The following CORIN variants were observed in gnomAD, a reference collection of about 807,000 sequenced individuals.
The protein encoded by CORIN is corin, serine peptidase.
A neutral mutation model predicts 125.3 loss-of-function variants in CORIN; 117 were observed. The observed-to-expected ratio is 0.93, with a 90% CI of 0.80 to 1.09. The LOEUF (loss-of-function observed/expected upper bound fraction) is 1.09, where lower values mean the gene tolerates loss of function less well. Among genes scored for constraint, CORIN ranks in the 50% least tolerant of loss-of-function variants. The pLI is 0.00. For synonymous variants in CORIN, 450 were observed against 466.4 expected (o/e 0.96, Z 0.45); for missense variants, 1,253 against 1,306.7 (o/e 0.96, Z 0.63).
intron 3 of CORIN, among the ~76,000 whole-genome samples, chr4:47,782,690 C>A (rs1730610527): frequency 6.6e-6 from 1 of 151,956 alleles, no homozygotes; most frequent in Non-Finnish European, 1.5e-5. Context: ...TGTGATAGAG[C>A]CATATGAAGG....
rs1722572841 is a variant in CORIN at position 47,626,473 on chromosome 4, C to T, written c.2247G>A (p.Arg749=). 6.2e-7 allele frequency: 1 copy of T among 1,613,954 alleles called. No individual in the cohort carries two copies. Among genetic ancestry groups the T allele is most frequent in the African/African-American group, 1.3e-5 (1 of 74,918 alleles). Residue 749 remains arginine (R), a synonymous_variant, in exon 17 of 22, where the codon CGG becomes CGA. Coordinates refer to ENST00000273857, the MANE Select transcript of CORIN (RefSeq NM_006587.4). ...CCCAGTTGGAGTGTAATGTCAGCCA[C>T]CGCGGCTCTTTCTCCTGTTCCTGTA... ...KLIQEQEKEP[R]WLTLHSNWES...
chr4:47,779,726 G>A (rs572500682), intron 3 of CORIN, among the ~76,000 whole-genome samples: 10 of 152,158 alleles, frequency 6.6e-5, no homozygotes, highest in East Asian at 1.9e-4. Context: ...GTGAGCCACC[G>A]TGCCTGGCCA....
chr4:47,787,196 T>C (rs1375349901), intron 2 of CORIN, among the ~76,000 whole-genome samples: 1 of 152,198 alleles, frequency 6.6e-6, no homozygotes, highest in Admixed American at 6.5e-5. Context: ...CTGGGTCTCC[T>C]ATCAAGGTTT....
intron 16 of CORIN, among the ~76,000 whole-genome samples, chr4:47,630,168 G>T (rs1269672001): frequency 1.3e-5 from 2 of 152,182 alleles, no homozygotes; most frequent in Non-Finnish European, 2.9e-5. Context: ...ACATGCAAAA[G>T]TATGATTTTG....
intron 3 of CORIN, among the ~76,000 whole-genome samples, chr4:47,766,819 G>A (rs1436448640): frequency 1.3e-5 from 2 of 151,584 alleles, no homozygotes; most frequent in East Asian, 2.0e-4. Context: ...GATGGTGGGC[G>A]CCTGTAATCC....
At position 47,638,534 on chromosome 4, in the gene CORIN, G is replaced by C. The variant is rs567826982; in HGVS notation, c.2198+3386C>G. 2.1e-4 allele frequency among the ~76,000 whole-genome samples: 32 copies of C among 152,314 alleles called. No individual in the cohort carries two copies. In the South Asian group the frequency reaches 6.6e-3, roughly 32 times the overall value. On this transcript the variant is annotated intron_variant, in intron 16 of 21. Coordinates refer to ENST00000273857, the MANE Select transcript of CORIN (RefSeq NM_006587.4). ...TTTCCTGTACTGTCTTCATGATAGT[G>C]AATAAGTTTCACAAGATCATATGGT...
At chr4:47,825,367 T>C (rs1176719516) in intron 1 of CORIN, among the ~76,000 whole-genome samples, 2 of 152,202 alleles carry the variant, frequency 1.3e-5, no homozygotes, top group Non-Finnish European at 2.9e-5. Context: ...TATCTGCGGC[T>C]AATTAGCATC....
intron 19 of CORIN, among the ~76,000 whole-genome samples, chr4:47,605,239 T>C (rs1428448053): frequency 6.6e-6 from 1 of 152,182 alleles, no homozygotes; most frequent in Non-Finnish European, 1.5e-5. Context: ...GATATAACCA[T>C]TTGTCTATTC....
chr4:47,600,538 T>TTCATA (rs1156989609), intron 20 of CORIN, among the ~76,000 whole-genome samples, 191 bp from the exon 21 acceptor site: 22 of 152,308 alleles, frequency 1.4e-4, no homozygotes, highest in African/African-American at 5.3e-4. Flanking sequence ...GTTAGAAGCA[T>TTCATA]TCATAGCAAT....
intron 3 of CORIN, among the ~76,000 whole-genome samples, chr4:47,774,824 G>A (rs569310625): frequency 1.7e-4 from 26 of 152,244 alleles, no homozygotes; most frequent in African/African-American, 6.0e-4. Context: ...GAAACTTGAG[G>A]ACATTATGCT....
At chr4:47,597,844 G>A (rs1278502313) in intron 21 of CORIN, among the ~76,000 whole-genome samples, 1 of 152,140 alleles carries the variant, frequency 6.6e-6, no homozygotes, top group Non-Finnish European at 1.5e-5. Flanking sequence ...AAACGAATAA[G>A]GCACTGTTTT....
chr4:47,609,649 G>A (rs1033281007), intron 19 of CORIN, among the ~76,000 whole-genome samples: 10 of 152,076 alleles, frequency 6.6e-5, no homozygotes, highest in Non-Finnish European at 1.2e-4. Flanking sequence ...GTGCAGGTTT[G>A]TTACATAGGT....
intron 5 of CORIN, among the ~76,000 whole-genome samples, chr4:47,695,549 G>A (rs540497335): frequency 6.6e-6 from 1 of 152,180 alleles, no homozygotes; most frequent in Non-Finnish European, 1.5e-5. Flanking sequence ...TTTGATTATT[G>A]ATATCCCCTG....
intron 16 of CORIN, among the ~76,000 whole-genome samples, chr4:47,635,406 T>C (rs17462720): frequency 2.0e-5 from 3 of 152,230 alleles, no homozygotes; most frequent in African/African-American, 7.2e-5. Flanking sequence ...CTGCCTCAAG[T>C]AGGATTGTCA....
intron 8 of CORIN, 105 bp from the exon 9 acceptor site, chr4:47,678,159 G>T: frequency 1.2e-6 from 1 of 815,262 alleles, no homozygotes; most frequent in South Asian, 1.5e-5. Context: ...AAGAAACAAG[G>T]TGTTCTGCAC....
At chr4:47,614,436 T>C (rs1721995894) in intron 19 of CORIN, among the ~76,000 whole-genome samples, 1 of 152,114 alleles carries the variant, frequency 6.6e-6, no homozygotes. Flanking sequence ...TGACCTCAGG[T>C]GATCCACCCA....
chr4:47,652,902 A>G (rs1038980340), intron 13 of CORIN, among the ~76,000 whole-genome samples: 2 of 152,230 alleles, frequency 1.3e-5, no homozygotes, highest in East Asian at 3.8e-4. Context: ...TTTAAAACTG[A>G]TAACAATGGC....
chr4:47,837,951 G>T lies in CORIN; in HGVS notation c.-2C>A. 6.2e-7 allele frequency: 1 copy of T among 1,612,504 alleles called. No individual in the cohort carries two copies. On this transcript the variant is annotated 5_prime_UTR_variant, in exon 1 of 22. Transcript: ENST00000273857. ...AGCGAGGGCAGGAGACTGTTTCATG[G>T]ATAAAAAGTCTCGCTTATTCTTCTG...
chr4:47,779,586 C>T (rs1730451325), intron 3 of CORIN, among the ~76,000 whole-genome samples: 1 of 152,030 alleles, frequency 6.6e-6, no homozygotes, highest in African/African-American at 2.4e-5. Flanking sequence ...CATGTGTTTG[C>T]CACCATGCCT....
Sources: allele counts gnomAD v4.1 joint callset (sites outside exome capture counted in the v4.1 genomes callset), GRCh38; gene constraint gnomAD v4.1.1; transcripts MANE v1.5; gene names NCBI Gene and HGNC (gene_info 2026-07-23, HGNC 2026-07-21).